The following SLC10A7 variants were observed in gnomAD, a reference collection of about 807,000 sequenced individuals.
SLC10A7 encodes the protein solute carrier family 10 member 7.
SLC10A7 carries 29 observed loss-of-function variants against 43.2 expected under a neutral mutation model. The observed-to-expected ratio is 0.67, with a 90% CI of 0.50 to 0.92. The LOEUF is 0.92. SLC10A7 is among the 40% of genes least tolerant of loss of function. The probability of loss-of-function intolerance (pLI) is 0.00; values close to 1 mark genes in which losing one functional copy is unlikely to be tolerated. For synonymous variants in SLC10A7, 152 were observed against 144.8 expected, an observed-to-expected ratio of 1.05 and a Z score of -0.35; for missense variants, 295 against 403.2, an observed-to-expected ratio of 0.73 and a Z score of 2.30.
Position 146,363,542 on chromosome 4 carries a change from C to T in SLC10A7, c.436-37546G>A, listed in dbSNP as rs891127773. 1.6e-4 allele frequency among the ~76,000 whole-genome samples: 24 copies of T among 152,034 alleles called. 1 individual carries two copies. The highest frequency in any genetic ancestry group is 1.3e-3 in the Admixed American group (20 of 15,278). On this transcript the variant is annotated intron_variant, in intron 5 of 11. Transcript: ENST00000335472. ...TCTACAGAACATTTCATTCAACAGC[C>T]GCAGAACATACCTTCTTCTCCTCAG...
chr4:146,475,200 C>T (rs1487495451), intron 4 of SLC10A7, among the ~76,000 whole-genome samples: 1 of 151,960 alleles, frequency 6.6e-6, no homozygotes, highest in Non-Finnish European at 1.5e-5. Flanking sequence ...ACATTTTTCC[C>T]CAGGCAAAAT....
intron 7 of SLC10A7, among the ~76,000 whole-genome samples, chr4:146,303,088 G>A (rs1227816445): frequency 6.6e-6 from 1 of 152,206 alleles, no homozygotes; most frequent in African/African-American, 2.4e-5. Flanking sequence ...AGGGAAGCCA[G>A]TATCTAATGA....
At chr4:146,494,261 A>T (rs1331863870) in intron 4 of SLC10A7, among the ~76,000 whole-genome samples, 1 of 152,234 alleles carries the variant, frequency 6.6e-6, no homozygotes, top group Non-Finnish European at 1.5e-5. Context: ...TAGTAACGGT[A>T]AAAGCAGGAA....
intron 5 of SLC10A7, among the ~76,000 whole-genome samples, chr4:146,410,362 G>T (rs1728100736): frequency 6.6e-6 from 1 of 152,068 alleles, no homozygotes; most frequent in Non-Finnish European, 1.5e-5. Context: ...ACACTCAAAT[G>T]CAGCTCTACA....
chr4:146,494,258 G>A (rs1048024508), intron 4 of SLC10A7, among the ~76,000 whole-genome samples: 3 of 152,198 alleles, frequency 2.0e-5, no homozygotes, highest in Non-Finnish European at 2.9e-5. Flanking sequence ...CGTTAGTAAC[G>A]GTAAAAGCAG....
Position 146,328,042 on chromosome 4 carries a change from C to T in SLC10A7, c.436-2046G>A, listed in dbSNP as rs191612567. Among the ~76,000 whole-genome samples the T allele has an allele frequency of 2.0e-4, 31 of 152,290 alleles. No individual in the cohort carries two copies. In the East Asian group the frequency reaches 6.0e-3, roughly 29 times the overall value. On this transcript the variant is annotated intron_variant, in intron 5 of 11. Coordinates refer to ENST00000335472, the MANE Select transcript of SLC10A7 (RefSeq NM_001029998.6). ...GGCCTAGGGAATGACCCACCCTGCT[C>T]CCTGCCACTGGCGCCTGTGCACACC...
At chr4:146,462,160 TTTCTCCTGTATCAC>T (rs1164373062) in intron 4 of SLC10A7, among the ~76,000 whole-genome samples, 1 of 152,146 alleles carries the variant, frequency 6.6e-6, no homozygotes, top group African/African-American at 2.4e-5. Context: ...TTAAATGAGC[TTTCTCCTGTATCAC>T]TTACCACTGA....
chr4:146,289,716 T>G (rs920022891), intron 9 of SLC10A7, among the ~76,000 whole-genome samples: 12 of 135,696 alleles, frequency 8.8e-5, no homozygotes, highest in African/African-American at 2.0e-4. Context: ...GTTTTTTTTT[T>G]TTTTTTTTTT....
intron 5 of SLC10A7, among the ~76,000 whole-genome samples, chr4:146,422,038 T>C (rs1344804727): frequency 6.6e-6 from 1 of 152,180 alleles, no homozygotes; most frequent in Non-Finnish European, 1.5e-5. Context: ...ATATTCTTCA[T>C]CACCAAACTG....
At chr4:146,464,000 T>G (rs1406468139) in intron 4 of SLC10A7, among the ~76,000 whole-genome samples, 2 of 151,878 alleles carry the variant, frequency 1.3e-5, no homozygotes, top group Non-Finnish European at 1.5e-5. Context: ...TTTTTTTTTA[T>G]ACTTTTGAGA....
intron 5 of SLC10A7, among the ~76,000 whole-genome samples, chr4:146,347,112 G>T (rs1056633426): frequency 1.3e-5 from 2 of 152,168 alleles, no homozygotes; most frequent in African/African-American, 4.8e-5. Context: ...ATGGCCCAGA[G>T]AAGGGTAGAG....
chr4:146,467,562 C>CTTTTT lies in SLC10A7; in HGVS notation c.397-24746_397-24742dup, dbSNP rs397995707. On this transcript the variant is annotated intron_variant, in intron 4 of 11. Coordinates refer to ENST00000335472, the MANE Select transcript of SLC10A7 (RefSeq NM_001029998.6). Reference sequence around the variant, plus strand: ...TTGCCCTTTTCTTTTTTCTTTCTCTCTTTTTTTTTTTTTTTTTTTTTGAGA... The same window carrying CTTTTT: ...TTGCCCTTTTCTTTTTTCTTTCTCTCTTTTTTTTTTTTTTTTTTTTTTTTTTGAGA... Among the ~76,000 whole-genome samples the CTTTTT allele has an allele frequency of 4.0e-4, 37 of 92,842 alleles. 4 individuals are homozygous for CTTTTT. Among genetic ancestry groups the CTTTTT allele is most frequent in the African/African-American group, 8.4e-4 (20 of 23,758 alleles). 60.9% of individuals were successfully genotyped at this position (92,842 alleles called of 152,430 possible). A position where few individuals can be genotyped will look rare whatever the true frequency, so the allele number is the denominator to read the frequency against.
At chr4:146,483,628 C>T (rs1384191769) in intron 4 of SLC10A7, among the ~76,000 whole-genome samples, 2 of 151,686 alleles carry the variant, frequency 1.3e-5, no homozygotes, top group Non-Finnish European at 2.9e-5. Flanking sequence ...TCTCTAATAA[C>T]CTTGAATGTA....
intron 10 of SLC10A7, among the ~76,000 whole-genome samples, chr4:146,276,381 A>G (rs937062733): frequency 1.3e-5 from 2 of 152,178 alleles, no homozygotes; most frequent in African/African-American, 4.8e-5. Flanking sequence ...ACTAACAAGT[A>G]CATACATAAT....
intron 6 of SLC10A7, among the ~76,000 whole-genome samples, chr4:146,320,535 G>C (rs1039727421): frequency 3.9e-5 from 6 of 152,068 alleles, no homozygotes; most frequent in Admixed American, 2.0e-4. Flanking sequence ...TTTGAAAATT[G>C]GATTATTGAG....
rs190036704 is a variant in SLC10A7, at chr4:146,283,442, T to C, written c.774-177A>G. ...GGATTTCTTTTTAGAGAACTACTTC[T>C]GAGTCATTTATCCATGAAAAGGAGA... On this transcript the variant is annotated intron_variant, in intron 9 of 11. Transcript: ENST00000335472. Among the ~76,000 whole-genome samples the C allele has an allele frequency of 2.7e-3, 417 of 152,298 alleles. 3 individuals carry two copies. The highest frequency in any genetic ancestry group is 9.5e-3 in the African/African-American group (395 of 41,560).
intron 10 of SLC10A7, among the ~76,000 whole-genome samples, chr4:146,263,802 T>C (rs1040254140): frequency 1.1e-4 from 17 of 152,234 alleles, no homozygotes; most frequent in Non-Finnish European, 2.5e-4. Context: ...ATACAATGCA[T>C]TGTCTGAAAG....
In SLC10A7 at chr4:146,344,567, A is replaced by G. The variant is rs1435147859; in HGVS notation, c.436-18571T>C. ...GTGGCCTGGGGACCTACGGGTTCCT[A>G]AGACCTTTTGGAGGGCTCGGTGAGA... On this transcript the variant is annotated intron_variant, in intron 5 of 11. Transcript: ENST00000335472. Among the ~76,000 whole-genome samples the G allele has an allele frequency of 2.0e-5, 3 of 152,018 alleles. No homozygotes were observed. In the East Asian group the frequency reaches 5.8e-4, roughly 29 times the overall value.
At chr4:146,439,774 C>A (rs900081923) in intron 5 of SLC10A7, among the ~76,000 whole-genome samples, 1 of 152,100 alleles carries the variant, frequency 6.6e-6, no homozygotes, top group African/African-American at 2.4e-5. Flanking sequence ...AGAATTCAAA[C>A]CCAGTCTAGC....
Sources: gnomAD v4.1 joint callset for allele counts (sites outside exome capture counted in the v4.1 genomes callset) on GRCh38, gnomAD v4.1.1 for gene constraint, MANE v1.5 for transcripts, NCBI Gene and HGNC (gene_info 2026-07-23, HGNC 2026-07-21) for gene names.